The following MDGA2 variants were observed in gnomAD, a reference collection of about 807,000 sequenced individuals.
MDGA2 encodes the protein MAM domain containing glycosylphosphatidylinositol anchor 2.
Under a neutral mutation model 117.8 loss-of-function variants are expected in MDGA2, and 40 were observed. The observed-to-expected ratio is 0.34, with a 90% CI of 0.26 to 0.44. The LOEUF (loss-of-function observed/expected upper bound fraction) is 0.44. MDGA2 is among the 20% of genes least tolerant of loss of function. The probability of loss-of-function intolerance (pLI) is 1.00; values close to 1 mark genes in which losing one functional copy is unlikely to be tolerated. For missense variants in MDGA2, 1,123 were observed against 1,250.6 expected (o/e 0.90, Z 1.54); for synonymous variants, 452 against 439.0 (o/e 1.03, Z -0.37).
chr14:47,640,574 A>G (rs1897405384), intron 1 of MDGA2, among the ~76,000 whole-genome samples: 1 of 152,080 alleles, frequency 6.6e-6, no homozygotes, highest in Admixed American at 6.6e-5. Flanking sequence ...GCATATCATA[A>G]AAGCCCCAAA....
rs71112467 is a variant in MDGA2, at chr14:46,864,545, G to GTTTTTTTTTTTTTTTTTTTTTTT, written c.2752+8865_2752+8887dup. 1.4e-4 allele frequency among the ~76,000 whole-genome samples: 7 copies of GTTTTTTTTTTTTTTTTTTTTTTT among 51,472 alleles called. 1 individual carries two copies. The highest frequency in any genetic ancestry group is 2.4e-4 in the Non-Finnish European group (6 of 25,448). The allele number at this position is 51,472 out of a possible 152,430, so 33.8% of individuals were successfully genotyped here. ...TTTGTTGCGCTTTGCAGATATTGCTGTTTTTTTTTTTTTTTTTTTTTTTTT... is the reference window on the plus strand; with the variant it reads ...TTTGTTGCGCTTTGCAGATATTGCTGTTTTTTTTTTTTTTTTTTTTTTTTTTTTTTTTTTTTTTTTTTTTTTTT... On this transcript the variant is annotated intron_variant, in intron 14 of 16. Transcript: ENST00000399232.
chr14:47,005,095 T>C (rs1416901303), intron 8 of MDGA2, among the ~76,000 whole-genome samples: 1 of 151,668 alleles, frequency 6.6e-6, no homozygotes, highest in African/African-American at 2.4e-5. Flanking sequence ...ATTTATGTTT[T>C]TTCCTTGTCT....
At chr14:47,273,492 C>A (rs1888213063) in intron 2 of MDGA2, among the ~76,000 whole-genome samples, 1 of 152,030 alleles carries the variant, frequency 6.6e-6, no homozygotes, top group Admixed American at 6.6e-5. Flanking sequence ...ATTATAAGAT[C>A]CTTATAACAA....
chr14:47,582,777 A>T (rs1216180461), intron 1 of MDGA2, among the ~76,000 whole-genome samples: 1 of 151,892 alleles, frequency 6.6e-6, no homozygotes, highest in South Asian at 2.1e-4. Context: ...GGGTTTGTTT[A>T]TATTCTCAAT....
Position 47,335,745 on chromosome 14 carries a change from T to TATATATATATATATATACATACATAC in MDGA2, c.281-34196_281-34195insGTATGTATGTATATATATATATATAT. 2.1e-3 allele frequency among the ~76,000 whole-genome samples: 204 copies of TATATATATATATATATACATACATAC among 95,570 alleles called. 3 individuals carry two copies. The highest frequency in any genetic ancestry group is 7.8e-3 in the African/African-American group (184 of 23,516). 62.7% of individuals were successfully genotyped at this position (95,570 alleles called of 152,430 possible). The stretch of plus-strand genomic sequence containing the variant: ...TGCACACATATATTTTATATATATA[T>TATATATATATATATATACATACATAC]ATACATACATACATACAGGATCACT... On this transcript the variant is annotated intron_variant, in intron 1 of 16. Coordinates refer to ENST00000399232, the MANE Select transcript of MDGA2 (RefSeq NM_001113498.3).
intron 1 of MDGA2, among the ~76,000 whole-genome samples, chr14:47,413,236 C>T (rs1892408601): frequency 6.6e-6 from 1 of 152,184 alleles, no homozygotes; most frequent in South Asian, 2.1e-4. Context: ...TCAAGGAAAG[C>T]ACATGCTTTA....
chr14:47,669,866 A>G (rs575503307), intron 1 of MDGA2, among the ~76,000 whole-genome samples: 1 of 152,268 alleles, frequency 6.6e-6, no homozygotes, highest in South Asian at 2.1e-4. Context: ...TGAAAAAAAA[A>G]TCATAATCAA....
intron 6 of MDGA2, among the ~76,000 whole-genome samples, chr14:47,096,146 T>C (rs1461732441): frequency 6.6e-6 from 1 of 152,068 alleles, no homozygotes; most frequent in Non-Finnish European, 1.5e-5. Flanking sequence ...GACTTACATT[T>C]TGCTTCAGTT....
At chr14:47,239,667 G>C (rs1468117430) in intron 2 of MDGA2, among the ~76,000 whole-genome samples, 5 of 151,700 alleles carry the variant, frequency 3.3e-5, no homozygotes, top group Admixed American at 2.0e-4. Flanking sequence ...ATTTCAATAA[G>C]ATAATGAATT....
At chr14:47,456,304 T>TTC (rs1473016847) in intron 1 of MDGA2, among the ~76,000 whole-genome samples, 5 of 151,356 alleles carry the variant, frequency 3.3e-5, no homozygotes, top group Non-Finnish European at 5.9e-5. Flanking sequence ...CTTTTTTTTT[T>TTC]TTTTTGAGAA....
intron 6 of MDGA2, among the ~76,000 whole-genome samples, chr14:47,063,473 A>G (rs1889966720): frequency 6.6e-6 from 1 of 152,024 alleles, no homozygotes; most frequent in African/African-American, 2.4e-5. Context: ...GGGAAATGTG[A>G]TGAAATGTCC....
intron 10 of MDGA2, among the ~76,000 whole-genome samples, chr14:46,888,433 T>G (rs1383320028): frequency 6.6e-6 from 1 of 151,912 alleles, no homozygotes; most frequent in Non-Finnish European, 1.5e-5. Flanking sequence ...TCCATTTAAT[T>G]TTTTCTTTTA....
intron 1 of MDGA2, among the ~76,000 whole-genome samples, chr14:47,477,452 T>C (rs1362722162): frequency 1.3e-5 from 2 of 152,180 alleles, no homozygotes; most frequent in Non-Finnish European, 2.9e-5. Context: ...TCCCACTTCA[T>C]TAATGTCTCA....
chr14:46,957,255 G>T (rs771893416), intron 9 of MDGA2, 119 bp downstream of exon 9: 7 of 977,672 alleles, frequency 7.2e-6, no homozygotes, highest in Non-Finnish European at 1.0e-5. Context: ...AACTTGAGGA[G>T]TCAAGCTGTT....
chr14:47,022,772 A>G (rs1176764709), intron 8 of MDGA2, among the ~76,000 whole-genome samples: 1 of 152,214 alleles, frequency 6.6e-6, no homozygotes. Context: ...GACAAAAAGC[A>G]TTGAGTTCAA....
chr14:47,470,827 C>T (rs1193258571), intron 1 of MDGA2, among the ~76,000 whole-genome samples: 1 of 152,098 alleles, frequency 6.6e-6, no homozygotes, highest in African/African-American at 2.4e-5. Flanking sequence ...TTTCCAGTGG[C>T]CAAATTGTCA....
chr14:47,202,544 T>C lies in MDGA2; in HGVS notation c.595+15477A>G, dbSNP rs749241668. Among the ~76,000 whole-genome samples, 15 of 152,304 alleles carry C rather than the reference T, an allele frequency of 9.8e-5. 1 individual carries two copies. The highest frequency in any genetic ancestry group is 5.2e-4 in the Admixed American group (8 of 15,300). On this transcript the variant is annotated intron_variant, in intron 3 of 16. Transcript: ENST00000399232. ...TATAACCTAGCATGCCATTTGTCGA[T>C]AGGAATTAAGAGCTGACCTTCCTGA...
chr14:46,898,019 G>A (rs564685671), intron 10 of MDGA2, among the ~76,000 whole-genome samples: 1 of 151,522 alleles, frequency 6.6e-6, no homozygotes, highest in Admixed American at 6.6e-5. Flanking sequence ...AAGAGGATCT[G>A]AAATTCAGAG....
At chr14:46,945,426 T>C (rs1239582956) in intron 9 of MDGA2, among the ~76,000 whole-genome samples, 1 of 152,044 alleles carries the variant, frequency 6.6e-6, no homozygotes, top group Non-Finnish European at 1.5e-5. Context: ...AAATTCTGGC[T>C]TCCTTTAAGC....
Sources: gnomAD v4.1 joint callset for allele counts (sites outside exome capture counted in the v4.1 genomes callset) on GRCh38, gnomAD v4.1.1 for gene constraint, MANE v1.5 for transcripts, NCBI Gene and HGNC (gene_info 2026-07-23, HGNC 2026-07-21) for gene names.